Variants in DPP6 observed in about 807,000 individuals in gnomAD.
DPP6 encodes A-type potassium channel modulatory protein DPP6.
In DPP6, 69 loss-of-function variants were observed where a neutral mutation model predicts 122.6. The observed-to-expected ratio is 0.56, with a 90% CI of 0.46 to 0.69. The LOEUF (loss-of-function observed/expected upper bound fraction) is 0.69. Ranked by LOEUF, DPP6 falls within the 30% of genes least tolerant of loss-of-function variation. DPP6 has a pLI of 0.00. For missense variants in DPP6, 928 were observed against 1,116.9 expected, an observed-to-expected ratio of 0.83 and a Z score of 2.41; for synonymous variants, 418 against 433.1, an observed-to-expected ratio of 0.97 and a Z score of 0.43.
chr7:154,759,156 C>T (rs191395391), intron 8 of DPP6, among the ~76,000 whole-genome samples: 11 of 152,322 alleles, frequency 7.2e-5, no homozygotes, highest in East Asian at 1.9e-4. Context: ...ATTCACCCCT[C>T]GCCACCACCC....
chr7:154,332,842 T>A (rs1422250617), intron 1 of DPP6, among the ~76,000 whole-genome samples: 1 of 152,334 alleles, frequency 6.6e-6, no homozygotes, highest in East Asian at 1.9e-4. Flanking sequence ...CATTTCCCAC[T>A]CACCGTGCCC....
intron 16 of DPP6, among the ~76,000 whole-genome samples, chr7:154,839,355 A>G (rs1801333113): frequency 6.6e-6 from 1 of 152,240 alleles, no homozygotes; most frequent in African/African-American, 2.4e-5. Context: ...TTTGTGATAA[A>G]GACATAGACT....
chr7:154,594,461 A>C (rs1832973575), intron 5 of DPP6, among the ~76,000 whole-genome samples: 1 of 152,198 alleles, frequency 6.6e-6, no homozygotes. Context: ...ATGATGAATA[A>C]AAGGAAATTA....
At chr7:154,770,708 A>G (rs576990653) in intron 9 of DPP6, among the ~76,000 whole-genome samples, 1 of 152,314 alleles carries the variant, frequency 6.6e-6, no homozygotes, top group African/African-American at 2.4e-5. Context: ...TTCTGACCCA[A>G]TGAGCCAGTA....
At chr7:154,596,987 C>G (rs866086629) in intron 5 of DPP6, among the ~76,000 whole-genome samples, 1 of 152,158 alleles carries the variant, frequency 6.6e-6, no homozygotes, top group Admixed American at 6.5e-5. Flanking sequence ...ATATAATAAA[C>G]TGTCTCAGTA....
At chr7:154,300,211 C>T (rs1211566158) in intron 1 of DPP6, among the ~76,000 whole-genome samples, 1 of 152,246 alleles carries the variant, frequency 6.6e-6, no homozygotes, top group East Asian at 1.9e-4. Flanking sequence ...CCCCGCCAGG[C>T]TCCAGGGGGT....
intron 21 of DPP6, chr7:154,884,078 G>GCTCACACACACATGCTCACCCACACATC (rs1805813073): frequency 7.9e-6 from 1 of 127,220 alleles, no homozygotes; most frequent in Non-Finnish European, 1.6e-5. Context: ...CCATACACAT[G>GCTCACACACACATGCTCACCCACACATC]CTCACACACA....
intron 1 of DPP6, among the ~76,000 whole-genome samples, chr7:154,359,143 C>T (rs529297966): frequency 1.3e-5 from 2 of 152,338 alleles, no homozygotes; most frequent in Admixed American, 1.3e-4. Context: ...GAACAAAAGG[C>T]CAGTGCCAAG....
At chr7:154,892,211 TCATC>T in intron 25 of DPP6, 119 bp from the exon 26 acceptor site, 1 of 1,322,200 alleles carries the variant, frequency 7.6e-7, no homozygotes, top group Non-Finnish European at 1.0e-6. Flanking sequence ...CAAACCCACT[TCATC>T]AACTACAATC....
At chr7:154,258,735 G>A (rs898523542) in intron 1 of DPP6, among the ~76,000 whole-genome samples, 3 of 152,048 alleles carry the variant, frequency 2.0e-5, no homozygotes, top group Admixed American at 6.5e-5. Context: ...CTAAGAAAAC[G>A]TGTATTCCTT....
At chr7:154,357,175 T>A (rs891990510) in intron 1 of DPP6, among the ~76,000 whole-genome samples, 14 of 151,782 alleles carry the variant, frequency 9.2e-5, no homozygotes, top group Admixed American at 7.9e-4. Context: ...AAGAAATGTA[T>A]CTAAAATGAA....
In DPP6 at chr7:154,861,856, G is replaced by C. The variant is rs74717767; in HGVS notation, c.1715-6139G>C. ...TTGGTGGTCGCTTCTTTTTGTTTCTGTAGAATGTCTGAAAATGTGTTCATG... is the reference window on the plus strand; with the variant it reads ...TTGGTGGTCGCTTCTTTTTGTTTCTCTAGAATGTCTGAAAATGTGTTCATG... On this transcript the variant is annotated intron_variant, in intron 17 of 25. Coordinates refer to ENST00000377770, the MANE Select transcript of DPP6 (RefSeq NM_130797.4). Among the ~76,000 whole-genome samples the C allele has an allele frequency of 1.4e-3, 208 of 152,156 alleles. 6 individuals are homozygous for C. The East Asian group carries it at 0.033, about 24-fold the overall frequency.
intron 2 of DPP6, among the ~76,000 whole-genome samples, chr7:154,464,469 A>G (rs535518481): frequency 1.3e-5 from 2 of 152,318 alleles, no homozygotes; most frequent in East Asian, 1.9e-4. Flanking sequence ...TAGTTGTTCA[A>G]TTGGTGTTCC....
In DPP6 at chr7:154,125,519, C is replaced by T. The variant is rs192414116; in HGVS notation, c.243+72456C>T. ...TGCACCTGAGTGTGAACGCATCAAA[C>T]GCTTCCAGGCCTGGCAGTCAATCCA... On this transcript the variant is annotated intron_variant, in intron 1 of 25. Transcript: ENST00000377770. Among the ~76,000 whole-genome samples, 174 of 152,306 alleles carry T rather than the reference C, an allele frequency of 1.1e-3. 1 individual carries two copies. The highest frequency in any genetic ancestry group is 3.8e-3 in the African/African-American group (158 of 41,556).
chr7:154,883,347 CAT>C (rs1805600648), intron 21 of DPP6, among the ~76,000 whole-genome samples: 3 of 149,340 alleles, frequency 2.0e-5, no homozygotes, highest in African/African-American at 7.4e-5. Flanking sequence ...CACACACGCT[CAT>C]ACACACACAT....
Position 154,660,517 on chromosome 7 carries a change from C to A in DPP6, c.681-8843C>A, listed in dbSNP as rs193106763. On this transcript the variant is annotated intron_variant, in intron 6 of 25. Transcript: ENST00000377770. ...TAGTGTTCATATAGTCATGGTGAATCACCATGGCATATTGGCGCTAGTGTT... is the reference window on the plus strand; with the variant it reads ...TAGTGTTCATATAGTCATGGTGAATAACCATGGCATATTGGCGCTAGTGTT... 5.9e-3 allele frequency among the ~76,000 whole-genome samples: 877 copies of A among 147,636 alleles called. 71 individuals are homozygous for A. Among genetic ancestry groups the A allele is most frequent in the Middle Eastern group, 0.025 (7 of 278 alleles).
At chr7:154,027,704 TG>T (rs1305422890) in intron 1 of DPP6, among the ~76,000 whole-genome samples, 2 of 151,776 alleles carry the variant, frequency 1.3e-5, no homozygotes, top group African/African-American at 4.9e-5. Context: ...CTTCTGGAGT[TG>T]ATTTGCTGTC....
chr7:154,205,969 G>C (rs1585628506), intron 1 of DPP6, among the ~76,000 whole-genome samples: 1 of 152,092 alleles, frequency 6.6e-6, no homozygotes, highest in South Asian at 2.1e-4. Flanking sequence ...CTCGGCCTCT[G>C]ACCCTTGCCT....
At chr7:154,693,470 G>T (rs940107597) in intron 7 of DPP6, among the ~76,000 whole-genome samples, 1 of 152,150 alleles carries the variant, frequency 6.6e-6, no homozygotes, top group African/African-American at 2.4e-5. Flanking sequence ...TAATTACCAA[G>T]CTCACAGCAG....
Sources: gnomAD v4.1 joint callset for allele counts (sites outside exome capture counted in the v4.1 genomes callset) on GRCh38, gnomAD v4.1.1 for gene constraint, MANE v1.5 for transcripts, NCBI Gene and HGNC (gene_info 2026-07-23, HGNC 2026-07-21) for gene names.